Variants in STARD3NL observed in about 807,000 individuals in gnomAD.
STARD3NL encodes STARD3 N-terminal-like protein.
Under a neutral mutation model 30.9 loss-of-function variants are expected in STARD3NL, and 17 were observed. That is an observed-to-expected ratio of 0.55 (90% confidence interval 0.38 to 0.82). STARD3NL has a LOEUF of 0.82. Among genes scored for constraint, STARD3NL ranks in the 40% least tolerant of loss-of-function variants. STARD3NL has a pLI of 0.00. For synonymous variants in STARD3NL, 112 were observed against 100.5 expected, an observed-to-expected ratio of 1.11 and a Z score of -0.69; for missense variants, 234 against 277.6, an observed-to-expected ratio of 0.84 and a Z score of 1.12.
At chr7:38,218,973 A>G (rs768963164) in intron 6 of STARD3NL, among the ~76,000 whole-genome samples, 2 of 152,152 alleles carry the variant, frequency 1.3e-5, no homozygotes, top group Non-Finnish European at 2.9e-5. Context: ...GGAACTGACC[A>G]TGTTTTTTAT....
intron 1 of STARD3NL, among the ~76,000 whole-genome samples, chr7:38,183,412 A>G (rs191733604): frequency 2.0e-5 from 3 of 152,276 alleles, no homozygotes; most frequent in Non-Finnish European, 4.4e-5. Flanking sequence ...CCTCTAGTCC[A>G]TGTCTTTTCC....
At chr7:38,205,290 G>C (rs1785399061) in intron 1 of STARD3NL, among the ~76,000 whole-genome samples, 1 of 152,168 alleles carries the variant, frequency 6.6e-6, no homozygotes, top group Admixed American at 6.5e-5. Flanking sequence ...TATCCACCAT[G>C]ATCAATTGGG....
rs115684986 is a variant in STARD3NL, at chr7:38,182,944, A to G, written c.-59+4524A>G. ...CAGTAATCATAGGTTTCTCTGTCCTATATTTTCCAGGACGGTATACTTTTC... is the reference window on the plus strand; with the variant it reads ...CAGTAATCATAGGTTTCTCTGTCCTGTATTTTCCAGGACGGTATACTTTTC... On this transcript the variant is annotated intron_variant, in intron 1 of 8. Transcript: ENST00000009041. Among the ~76,000 whole-genome samples, 269 of 152,272 alleles carry G rather than the reference A, an allele frequency of 1.8e-3. 1 individual carries two copies. The highest frequency in any genetic ancestry group is 6.1e-3 in the African/African-American group (255 of 41,558).
At chr7:38,183,932 G>A (rs1784348493) in intron 1 of STARD3NL, among the ~76,000 whole-genome samples, 2 of 152,156 alleles carry the variant, frequency 1.3e-5, no homozygotes, top group South Asian at 4.1e-4. Context: ...ACTTTAGTTA[G>A]CAAGTACTCA....
intron 1 of STARD3NL, among the ~76,000 whole-genome samples, chr7:38,197,956 T>TG (rs1007642027): frequency 1.3e-5 from 2 of 152,160 alleles, no homozygotes. Context: ...CTCATAACAG[T>TG]GGGGGGCCTT....
chr7:38,225,988 A>G (rs564015151), intron 7 of STARD3NL, among the ~76,000 whole-genome samples: 258 of 152,016 alleles, frequency 1.7e-3, no homozygotes, highest in Non-Finnish European at 2.8e-3. Context: ...TTTTTCTGAC[A>G]TTTTCCTCCT....
chr7:38,188,711 T>G (rs1220006943), intron 1 of STARD3NL, among the ~76,000 whole-genome samples: 1 of 152,260 alleles, frequency 6.6e-6, no homozygotes, highest in Non-Finnish European at 1.5e-5. Context: ...ATTTTAGGTT[T>G]GTCTCGTAAA....
At chr7:38,201,787 A>C (rs1414936359) in intron 1 of STARD3NL, 2 of 151,852 alleles carry the variant, frequency 1.3e-5, no homozygotes. Flanking sequence ...CTCCAGGTTC[A>C]AGTGATTCTC....
At chr7:38,200,343 A>G (rs1038765430) in intron 1 of STARD3NL, among the ~76,000 whole-genome samples, 5 of 152,122 alleles carry the variant, frequency 3.3e-5, no homozygotes, top group African/African-American at 1.2e-4. Context: ...GTGTCGCTTC[A>G]AGGCTGGTGA....
intron 7 of STARD3NL, among the ~76,000 whole-genome samples, chr7:38,220,423 A>C (rs1475723715): frequency 6.6e-6 from 1 of 152,258 alleles, no homozygotes; most frequent in African/African-American, 2.4e-5. Flanking sequence ...GAACCACAAC[A>C]AGATACCGCT....
chr7:38,198,837 T>C (rs1440826543), intron 1 of STARD3NL, among the ~76,000 whole-genome samples: 1 of 152,210 alleles, frequency 6.6e-6, no homozygotes, highest in Non-Finnish European at 1.5e-5. Flanking sequence ...TGGAAGCAGA[T>C]GGAGCTGATG....
At chr7:38,207,345 T>G (rs1214999140) in intron 1 of STARD3NL, 102 bp from the exon 2 acceptor site, 3 of 612,726 alleles carry the variant, frequency 4.9e-6, no homozygotes, top group Non-Finnish European at 8.6e-6. Flanking sequence ...GTCAAGGTAC[T>G]CTGTTGTTCA....
At chr7:38,208,358 G>T (rs1026857121) in intron 2 of STARD3NL, among the ~76,000 whole-genome samples, 1 of 152,098 alleles carries the variant, frequency 6.6e-6, no homozygotes, top group Admixed American at 6.5e-5. Context: ...GCATTTGGAG[G>T]TTTATGCAGT....
At chr7:38,197,233 AT>A (rs57911268) in intron 1 of STARD3NL, among the ~76,000 whole-genome samples, 57,013 of 103,338 alleles carry the variant, frequency 0.55, 13,071 homozygotes, top group Admixed American at 0.61. Flanking sequence ...TCTTTCTTTC[AT>A]TTTTTTTTTC....
intron 2 of STARD3NL, among the ~76,000 whole-genome samples, chr7:38,212,777 G>A (rs959729095): frequency 6.6e-6 from 1 of 152,086 alleles, no homozygotes; most frequent in Admixed American, 6.6e-5. Flanking sequence ...TTGATAGGCC[G>A]ATTTTATCAT....
chr7:38,228,735 T>G, intron 7 of STARD3NL, 64 bp from the exon 8 acceptor site: 1 of 1,377,032 alleles, frequency 7.3e-7, no homozygotes, highest in Non-Finnish European at 1.0e-6. Context: ...CCTATTTATT[T>G]AAAATAGTTT....
chr7:38,220,581 T>A (rs983484987), intron 7 of STARD3NL, among the ~76,000 whole-genome samples: 5 of 152,210 alleles, frequency 3.3e-5, no homozygotes, highest in Non-Finnish European at 5.9e-5. Flanking sequence ...AACAGTATGG[T>A]GTTTCCGTAA....
At chr7:38,182,652 C>T (rs1014211720) in intron 1 of STARD3NL, among the ~76,000 whole-genome samples, 9 of 152,160 alleles carry the variant, frequency 5.9e-5, no homozygotes, top group Admixed American at 2.6e-4. Context: ...TGTGAGCTGA[C>T]CTGGATCCGG....
chr7:38,219,292 C>T (rs1583824481), intron 6 of STARD3NL, among the ~76,000 whole-genome samples: 2 of 152,298 alleles, frequency 1.3e-5, no homozygotes, highest in Middle Eastern at 3.4e-3. Context: ...AGCGATCCTC[C>T]ATCCTTGGCC....
Sources: allele counts gnomAD v4.1 joint callset (sites outside exome capture counted in the v4.1 genomes callset), GRCh38; gene constraint gnomAD v4.1.1; transcripts MANE v1.5; gene names NCBI Gene and HGNC (gene_info 2026-07-23, HGNC 2026-07-21).